LCMT1: variants seen among roughly 807,000 people sequenced by gnomAD.
LCMT1 encodes leucine carboxyl methyltransferase 1, also known as [Phosphatase 2A protein]-leucine-carboxy methyltransferase 1.
LCMT1 carries 32 observed loss-of-function variants against 47.7 expected under a neutral mutation model. The observed-to-expected ratio is 0.67, with a 90% CI of 0.51 to 0.90. The LOEUF is 0.90. Ranked by LOEUF, LCMT1 falls within the 40% of genes least tolerant of loss-of-function variation. LCMT1 has a pLI of 0.00. For missense variants in LCMT1, 375 were observed against 415.2 expected, an observed-to-expected ratio of 0.90 and a Z score of 0.84; for synonymous variants, 152 against 149.7, an observed-to-expected ratio of 1.02 and a Z score of -0.11.
In LCMT1 at chr16:25,164,624, G is replaced by A. The variant is rs989537848; in HGVS notation, c.596G>A (p.Cys199Tyr). ...TTGCCAACACTCCTGATAGCTGAAT[G>A]TGTGCTGGTTTACATGACTCCAGAG... ...TQLPTLLIAE[C>Y]VLVYMTPEQS... Residue 199 changes from cysteine to tyrosine, a missense_variant, in exon 7 of 11, where the codon TGT becomes TAT. Coordinates refer to ENST00000399069, the MANE Select transcript of LCMT1 (RefSeq NM_016309.3). 5 of 1,613,794 alleles carry A rather than the reference G, an allele frequency of 3.1e-6. No homozygotes were observed. The highest frequency in any genetic ancestry group is 2.2e-5 in the East Asian group (1 of 44,890).
At chr16:25,122,108 G>A (rs1295197964) in intron 1 of LCMT1, among the ~76,000 whole-genome samples, 1 of 152,206 alleles carries the variant, frequency 6.6e-6, no homozygotes, top group Non-Finnish European at 1.5e-5. Flanking sequence ...TCTTGAAAGA[G>A]GTTATATCAG....
intron 9 of LCMT1, among the ~76,000 whole-genome samples, chr16:25,172,120 A>AT (rs1961792997): frequency 6.6e-6 from 1 of 152,150 alleles, no homozygotes; most frequent in Non-Finnish European, 1.5e-5. Flanking sequence ...AGCCTGGCCA[A>AT]CATGGTGAAA....
intron 1 of LCMT1, among the ~76,000 whole-genome samples, chr16:25,112,469 A>AG (rs1959652599): frequency 6.6e-6 from 1 of 152,260 alleles, no homozygotes; most frequent in African/African-American, 2.4e-5. Flanking sequence ...ATCTCTTTGC[A>AG]GAGCCAGTAC....
intron 5 of LCMT1, among the ~76,000 whole-genome samples, chr16:25,154,002 A>G (rs1422164636): frequency 6.6e-6 from 1 of 151,804 alleles, no homozygotes; most frequent in African/African-American, 2.4e-5. Flanking sequence ...ATGATGCCCT[A>G]TTATTTTTAT....
chr16:25,137,543 C>G (rs1383346532), intron 3 of LCMT1, among the ~76,000 whole-genome samples: 1 of 152,026 alleles, frequency 6.6e-6, no homozygotes, highest in African/African-American at 2.4e-5. Context: ...CTCCCAGGCT[C>G]AAGCCATCTT....
At chr16:25,124,301 AACAC>A (rs376670753) in intron 1 of LCMT1, among the ~76,000 whole-genome samples, 2 of 152,192 alleles carry the variant, frequency 1.3e-5, no homozygotes, top group African/African-American at 2.4e-5. Context: ...TATACAGACA[AACAC>A]ACACACATCA....
At chr16:25,141,700 T>C (rs911916316) in intron 4 of LCMT1, 1 of 152,204 alleles carries the variant, frequency 6.6e-6, no homozygotes, top group South Asian at 2.1e-4. Context: ...TCCTGAACTG[T>C]TAATGTAAGA....
intron 8 of LCMT1, 77 bp downstream of exon 8, chr16:25,169,290 T>C (rs1961683424): frequency 2.1e-6 from 2 of 934,400 alleles, no homozygotes; most frequent in African/African-American, 1.6e-5. Context: ...TTTGCAGATG[T>C]GATCATGGAG....
chr16:25,128,284 G>A (rs948180079), intron 1 of LCMT1, among the ~76,000 whole-genome samples, 191 bp from the exon 2 acceptor site: 1 of 152,250 alleles, frequency 6.6e-6, no homozygotes, highest in Non-Finnish European at 1.5e-5. Context: ...GTGGTGTAAC[G>A]TGAACATAAA....
At position 25,132,526 on chromosome 16, in the gene LCMT1, A is replaced by G; in HGVS notation, c.327+3A>G. The G allele has an allele frequency of 1.9e-6, 3 of 1,613,138 alleles. No individual in the cohort carries two copies. The highest frequency in any genetic ancestry group is 1.1e-5 in the South Asian group (1 of 90,906). ...ATACCACCTTCTGGAGATTAAAGGTATGTTCAAATTCCCCTCCTCCCTCCC... is the reference window on the plus strand; with the variant it reads ...ATACCACCTTCTGGAGATTAAAGGTGTGTTCAAATTCCCCTCCTCCCTCCC... On this transcript the variant is annotated splice_donor_region_variant and intron_variant, in intron 3 of 10. Transcript: ENST00000399069.
At chr16:25,135,955 G>A (rs992113953) in intron 3 of LCMT1, among the ~76,000 whole-genome samples, 1 of 151,984 alleles carries the variant, frequency 6.6e-6, no homozygotes, top group African/African-American at 2.4e-5. Flanking sequence ...GCCAGGCATG[G>A]TGGTGCACAC....
rs538270518 is a variant in LCMT1, at chr16:25,171,817, A to G, written c.884+1012A>G. Among the ~76,000 whole-genome samples, 61 of 152,350 alleles carry G rather than the reference A, an allele frequency of 4.0e-4. No homozygotes were observed. In the South Asian group the frequency reaches 0.01, roughly 25 times the overall value. On this transcript the variant is annotated intron_variant, in intron 9 of 10. Transcript: ENST00000399069. Reference sequence around the variant, plus strand: ...CATTCTGTAGTCACACCTGGGAGGTAGCAGTTCTTAACATATTGGGGAATA... The same window carrying G: ...CATTCTGTAGTCACACCTGGGAGGTGGCAGTTCTTAACATATTGGGGAATA...
At chr16:25,119,265 C>T (rs1959894412) in intron 1 of LCMT1, among the ~76,000 whole-genome samples, 1 of 152,024 alleles carries the variant, frequency 6.6e-6, no homozygotes, top group Non-Finnish European at 1.5e-5. Context: ...CTCTCTGACA[C>T]TCACAGACAA....
chr16:25,120,253 C>T (rs958501656), intron 1 of LCMT1, among the ~76,000 whole-genome samples: 5 of 150,654 alleles, frequency 3.3e-5, no homozygotes, highest in Admixed American at 6.6e-5. Context: ...GATGGAGGTT[C>T]GCTCTTGTTG....
intron 5 of LCMT1, among the ~76,000 whole-genome samples, chr16:25,157,454 C>T (rs1961295070): frequency 6.6e-6 from 1 of 151,842 alleles, no homozygotes; most frequent in African/African-American, 2.4e-5. Flanking sequence ...ACACAGGAAG[C>T]TGAGGCAGCC....
chr16:25,144,162 G>GT (rs1444230597), intron 4 of LCMT1: 1 of 152,238 alleles, frequency 6.6e-6, no homozygotes, highest in Admixed American at 6.5e-5. Context: ...GGATCCTTAC[G>GT]TTTGCCTGGG....
intron 6 of LCMT1, among the ~76,000 whole-genome samples, chr16:25,162,463 G>A (rs755959820): frequency 2.6e-4 from 40 of 151,694 alleles, no homozygotes; most frequent in Non-Finnish European, 5.0e-4. Flanking sequence ...GGTGGTGGGC[G>A]CCTGTACCCC....
rs77028602 is a variant in LCMT1 at position 25,121,086 on chromosome 16, A to T, written c.114-7389A>T. The stretch of plus-strand genomic sequence containing the variant: ...TTGTTTTCATTTTTTTAAGGAGCAG[A>T]TTAAATTTTGGGATGTGTTTGCCAA... On this transcript the variant is annotated intron_variant, in intron 1 of 10. Coordinates refer to ENST00000399069, the MANE Select transcript of LCMT1 (RefSeq NM_016309.3). Among the ~76,000 whole-genome samples the T allele has an allele frequency of 1.8e-4, 27 of 151,578 alleles. No homozygotes were observed. The East Asian group carries it at 5.1e-3, about 29-fold the overall frequency.
intron 1 of LCMT1, among the ~76,000 whole-genome samples, chr16:25,115,362 A>G (rs1344583226): frequency 2.0e-5 from 3 of 152,222 alleles, no homozygotes; most frequent in Non-Finnish European, 4.4e-5. Context: ...TAGTAGACCC[A>G]AAATGCTGGT....
Sources: allele counts gnomAD v4.1 joint callset (sites outside exome capture counted in the v4.1 genomes callset), GRCh38; gene constraint gnomAD v4.1.1; transcripts MANE v1.5; gene names NCBI Gene and HGNC (gene_info 2026-07-23, HGNC 2026-07-21).